The following SUMF1 variants were observed in gnomAD, a reference collection of about 807,000 sequenced individuals.
The protein encoded by SUMF1 is formylglycine-generating enzyme.
A neutral mutation model predicts 47.6 loss-of-function variants in SUMF1; 48 were observed. The observed-to-expected ratio is 1.01, with a 90% CI of 0.80 to 1.28. The LOEUF (loss-of-function observed/expected upper bound fraction) is 1.28. Ranked by LOEUF, SUMF1 falls within the 50% of genes most tolerant of loss-of-function variation. The pLI is 0.00. For missense variants in SUMF1, 571 were observed against 485.4 expected (o/e 1.18, Z -1.66); for synonymous variants, 230 against 192.1 (o/e 1.20, Z -1.63).
chr3:4,046,523 T>A (rs1044407964), intron 9 of SUMF1, among the ~76,000 whole-genome samples: 1 of 152,154 alleles, frequency 6.6e-6, no homozygotes, highest in African/African-American at 2.4e-5. Flanking sequence ...CCCAGCCTTC[T>A]TCGTCTCAAT....
intron 7 of SUMF1, among the ~76,000 whole-genome samples, chr3:4,382,172 C>T (rs1282599309): frequency 3.3e-5 from 5 of 152,152 alleles, no homozygotes; most frequent in Admixed American, 3.3e-4. Context: ...ATGGTTCAGA[C>T]TGACAATGCC....
chr3:4,079,089 C>T (rs1255692802), intron 8 of SUMF1, among the ~76,000 whole-genome samples: 2 of 152,096 alleles, frequency 1.3e-5, no homozygotes, highest in African/African-American at 2.4e-5. Flanking sequence ...AGTCGCCTCA[C>T]AGTCCCTGAT....
chr3:4,321,490 A>G (rs982574627), intron 8 of SUMF1, among the ~76,000 whole-genome samples: 6 of 149,860 alleles, frequency 4.0e-5, no homozygotes, highest in Admixed American at 6.6e-5. Flanking sequence ...AAAAAAAAAA[A>G]AAAGAAAAAG....
intron 3 of SUMF1, among the ~76,000 whole-genome samples, chr3:4,426,336 C>T (rs556751987): frequency 1.3e-5 from 2 of 152,152 alleles, no homozygotes; most frequent in Non-Finnish European, 2.9e-5. Context: ...ATCAAAGTCA[C>T]CCCACAACTG....
At chr3:4,451,414 C>T (rs1439908420) in intron 2 of SUMF1, among the ~76,000 whole-genome samples, 1 of 152,054 alleles carries the variant, frequency 6.6e-6, no homozygotes, top group Non-Finnish European at 1.5e-5. Flanking sequence ...AGTAAATAAC[C>T]AGATATATTA....
intron 8 of SUMF1, among the ~76,000 whole-genome samples, chr3:4,299,943 T>C (rs1211375987): frequency 6.6e-6 from 1 of 152,248 alleles, no homozygotes; most frequent in African/African-American, 2.4e-5. Flanking sequence ...ACTGTGCCCC[T>C]AACTCTTACA....
At chr3:4,249,169 G>A (rs78874025) in intron 8 of SUMF1, among the ~76,000 whole-genome samples, 3,808 of 152,142 alleles carry the variant, frequency 0.025, 155 homozygotes, top group African/African-American at 0.086. Flanking sequence ...TAGCAGAGTG[G>A]GTATAATTTG....
At chr3:4,129,232 T>C (rs567956625) in intron 8 of SUMF1, among the ~76,000 whole-genome samples, 5 of 152,110 alleles carry the variant, frequency 3.3e-5, no homozygotes, top group East Asian at 3.9e-4. Flanking sequence ...ATGGGAAGAA[T>C]TGGATCCCAA....
intron 7 of SUMF1, among the ~76,000 whole-genome samples, chr3:4,403,864 T>G (rs1701292222): frequency 1.3e-5 from 2 of 152,172 alleles, no homozygotes; most frequent in African/African-American, 4.8e-5. Flanking sequence ...TTCCCACCTT[T>G]CAGATCCACT....
downstream of SUMF1, among the ~76,000 whole-genome samples, chr3:4,356,303 T>C (rs2125164199): frequency 6.6e-6 from 1 of 152,376 alleles, no homozygotes; most frequent in South Asian, 2.1e-4. Context: ...ATTAAAATTT[T>C]GCTATTCTCT....
intron 8 of SUMF1, among the ~76,000 whole-genome samples, chr3:4,148,455 T>C (rs1694244768): frequency 6.6e-6 from 1 of 152,200 alleles, no homozygotes; most frequent in African/African-American, 2.4e-5. Flanking sequence ...AGAAAACTCC[T>C]ACCTCACAAG....
Position 4,071,111 on chromosome 3 carries a change from A to T in SUMF1, c.1015-2366T>A, listed in dbSNP as rs189909029. Among the ~76,000 whole-genome samples the T allele has an allele frequency of 3.7e-3, 568 of 152,236 alleles. 15 individuals carry two copies. The highest frequency in any genetic ancestry group is 0.032 in the Admixed American group (493 of 15,290). Reference sequence around the variant, plus strand: ...GTAAGCTATGAAAAACAAGTTGAGTAATTTTGGTGATTCTACATACAAGCT... The same window carrying T: ...GTAAGCTATGAAAAACAAGTTGAGTTATTTTGGTGATTCTACATACAAGCT... On this transcript the variant is annotated intron_variant and NMD_transcript_variant, in intron 8 of 12. Transcript: ENST00000448413.
chr3:4,271,442 T>C (rs1697299297), intron 8 of SUMF1, among the ~76,000 whole-genome samples: 1 of 151,590 alleles, frequency 6.6e-6, no homozygotes, highest in Non-Finnish European at 1.5e-5. Flanking sequence ...AAAAATCTAC[T>C]CTATTCAAAT....
At chr3:4,164,684 T>C (rs1023704704) in intron 8 of SUMF1, among the ~76,000 whole-genome samples, 4 of 152,274 alleles carry the variant, frequency 2.6e-5, no homozygotes, top group African/African-American at 9.6e-5. Flanking sequence ...CTTTTCCTTT[T>C]TGCCTGCTCC....
intron 8 of SUMF1, among the ~76,000 whole-genome samples, chr3:4,374,691 C>T (rs1036513868): frequency 1.3e-5 from 2 of 152,062 alleles, no homozygotes; most frequent in African/African-American, 4.8e-5. Flanking sequence ...TACTACTGTA[C>T]AAAGAGAGAT....
chr3:4,438,458 C>A (rs1014382482), intron 3 of SUMF1, among the ~76,000 whole-genome samples: 4 of 152,148 alleles, frequency 2.6e-5, no homozygotes, highest in Non-Finnish European at 5.9e-5. Context: ...CCCTTGATAT[C>A]TGATCAAACT....
At chr3:4,129,759 C>T (rs183139134) in intron 8 of SUMF1, among the ~76,000 whole-genome samples, 19 of 152,188 alleles carry the variant, frequency 1.2e-4, no homozygotes, top group African/African-American at 4.1e-4. Context: ...GGAAACAAAA[C>T]GTCATTGTGG....
intron 1 of SUMF1, among the ~76,000 whole-genome samples, chr3:4,454,346 G>A (rs1703081296): frequency 1.3e-5 from 2 of 152,150 alleles, no homozygotes; most frequent in Non-Finnish European, 2.9e-5. Context: ...TCAACATCAT[G>A]AGTCATTAGG....
At chr3:4,159,761 A>C (rs1418268655) in intron 8 of SUMF1, among the ~76,000 whole-genome samples, 1 of 152,100 alleles carries the variant, frequency 6.6e-6, no homozygotes, top group Non-Finnish European at 1.5e-5. Flanking sequence ...GAAATCCCTC[A>C]GCTTTTGTTT....
Sources: gnomAD v4.1 joint callset for allele counts (sites outside exome capture counted in the v4.1 genomes callset) on GRCh38, gnomAD v4.1.1 for gene constraint, MANE v1.5 for transcripts, NCBI Gene and HGNC (gene_info 2026-07-23, HGNC 2026-07-21) for gene names.